ERBB3: variants seen among roughly 807,000 people sequenced by gnomAD.
The protein encoded by ERBB3 is receptor tyrosine-protein kinase erbB-3.
ERBB3 carries 96 observed loss-of-function variants against 156.7 expected under a neutral mutation model. That is an observed-to-expected ratio of 0.61 (90% CI 0.52 to 0.73). ERBB3 has a LOEUF of 0.73. Ranked by LOEUF, ERBB3 falls within the 30% of genes least tolerant of loss-of-function variation. The pLI, the probability that ERBB3 is intolerant of heterozygous loss-of-function variation, is 0.00. For missense variants in ERBB3, 1,406 were observed against 1,709.4 expected, an observed-to-expected ratio of 0.82 and a Z score of 3.13; for synonymous variants, 567 against 632.0, an observed-to-expected ratio of 0.90 and a Z score of 1.54.
chr12:56,099,615 T>G (rs1869019410), intron 23 of ERBB3, 33 bp from the exon 24 acceptor site: 1 of 1,585,542 alleles, frequency 6.3e-7, no homozygotes, highest in Non-Finnish European at 8.7e-7. Flanking sequence ...TGTATTCTCT[T>G]TTATGTCTCT....
At position 56,094,081 on chromosome 12, in the gene ERBB3, C is replaced by G. The variant is rs1172712359; in HGVS notation, c.1614-18C>G. 1 of 1,604,956 alleles carries G rather than the reference C, an allele frequency of 6.2e-7. No individual in the cohort carries two copies. The highest frequency in any genetic ancestry group is 1.3e-5 in the African/African-American group (1 of 74,746). ...GGACTTGGAAGTGACCCCCCCCTCC[C>G]TTTATTCCCCACTACAGGGAGCCTC... On this transcript the variant is annotated intron_variant, in intron 13 of 27. Coordinates refer to ENST00000267101, the MANE Select transcript of ERBB3 (RefSeq NM_001982.4).
At position 56,088,079 on chromosome 12, in the gene ERBB3, T is replaced by C. The variant is rs758573987; in HGVS notation, c.791T>C (p.Val264Ala). Residue 264 changes from valine (V) to alanine (A), a missense_variant, in exon 7 of 28, where the codon GTC becomes GCC. By Grantham distance (64) the Val-to-Ala change is moderately conservative (BLOSUM62 0). Around this residue, in one of 3 missense-constraint regions of ERBB3, gnomAD observed 979 missense variants for 1,219.6 expected, o/e 0.80. Transcript: ENST00000267101. The stretch of plus-strand genomic sequence containing the variant: ...GTACCTCGCTGTCCACAGCCTCTTG[T>C]CTACAACAAGCTAACTTTCCAGCTG... The part of the protein sequence containing the change: ...ACVPRCPQPL[V>A]YNKLTFQLEP... The C allele has an allele frequency of 6.8e-6, 11 of 1,614,186 alleles. No individual in the cohort carries two copies. The Admixed American group carries it at 1.2e-4, about 17-fold the overall frequency.
In ERBB3 at chr12:56,101,300, C is replaced by CCCA; in HGVS notation, c.3444_3446dup (p.Pro1149dup). The CCCA allele has an allele frequency of 6.2e-7, 1 of 1,614,188 alleles. No homozygotes were observed. Among genetic ancestry groups the CCCA allele is most frequent in the Non-Finnish European group, 8.5e-7 (1 of 1,180,020 alleles). Reference sequence around the variant, plus strand: ...TGCTGACTCCTGTTACCCCACTCTCCCCACCCGGGTTAGAGGAAGAGGATG... The same window carrying CCCA: ...TGCTGACTCCTGTTACCCCACTCTCCCCACCACCCGGGTTAGAGGAAGAGGATG... On this transcript the variant is annotated inframe_insertion, in exon 27 of 28. Transcript: ENST00000267101.
At chr12:56,098,705 T>A in intron 22 of ERBB3, 54 bp from the exon 23 acceptor site, 1 of 1,608,318 alleles carries the variant, frequency 6.2e-7, no homozygotes, top group Non-Finnish European at 8.5e-7. Flanking sequence ...TCCCTTCACT[T>A]CATGCCCATG....
intron 1 of ERBB3, among the ~76,000 whole-genome samples, chr12:56,082,492 C>G (rs1318437245): frequency 6.6e-6 from 1 of 152,086 alleles, no homozygotes; most frequent in African/African-American, 2.4e-5. Context: ...AGGAGCCCTC[C>G]AAGGTCAAGA....
intron 16 of ERBB3, 137 bp from the exon 17 acceptor site, chr12:56,095,528 C>T: frequency 8.8e-7 from 1 of 1,132,220 alleles, no homozygotes; most frequent in Non-Finnish European, 1.3e-6. Context: ...AGGTTGGTCC[C>T]TTCAGTGCTT....
chr12:56,098,582 G>A lies in ERBB3; in HGVS notation c.2692+7G>A. On this transcript the variant is annotated splice_region_variant and intron_variant, in intron 22 of 27. Transcript: ENST00000267101. ...AGTGATGTCTGGAGCTATGGTCAGT[G>A]CATCTGGATGCCCTCTCTACCATCA... The A allele has an allele frequency of 1.2e-6, 2 of 1,611,292 alleles. No homozygotes were observed. Among genetic ancestry groups the A allele is most frequent in the Non-Finnish European group, 1.7e-6 (2 of 1,177,412 alleles).
chr12:56,099,078 C>G (rs1565861108), intron 23 of ERBB3, 173 bp downstream of exon 23: 1 of 644,766 alleles, frequency 1.6e-6, no homozygotes, highest in Non-Finnish European at 2.7e-6. Context: ...CCTGCTTCAG[C>G]CTCCGGAGTA....
rs1308942910 is a variant in ERBB3, at chr12:56,089,743, C to CA, written c.1109+887dup. 9.4e-3 allele frequency among the ~76,000 whole-genome samples: 1,281 copies of CA among 136,356 alleles called. 10 individuals carry two copies. Among genetic ancestry groups the CA allele is most frequent in the African/African-American group, 0.028 (1,028 of 37,274 alleles). 89.5% of individuals were successfully genotyped at this position (136,356 alleles called of 152,430 possible). ...CTGGCGACAGAGCGAGACTCTTTCT[C>CA]AAAAAAAAAAAAGAAAAGAAAAGAA... On this transcript the variant is annotated intron_variant, in intron 9 of 27. Transcript: ENST00000267101.
intron 9 of ERBB3, among the ~76,000 whole-genome samples, chr12:56,090,343 C>G (rs1378470734): frequency 6.6e-6 from 1 of 151,996 alleles, no homozygotes; most frequent in Admixed American, 6.6e-5. Context: ...GTTAACATAC[C>G]ACATATGGCC....
chr12:56,090,591 C>T (rs1437936328), intron 9 of ERBB3, among the ~76,000 whole-genome samples: 2 of 152,012 alleles, frequency 1.3e-5, no homozygotes, highest in African/African-American at 4.8e-5. Context: ...TTGCAGTGAG[C>T]CGAGATCGCG....
intron 1 of ERBB3, among the ~76,000 whole-genome samples, chr12:56,083,162 A>AGGACGGGGTGTCTAG (rs1203246092): frequency 4.6e-5 from 7 of 152,184 alleles, no homozygotes; most frequent in African/African-American, 1.7e-4. Context: ...AGTGCTGCTG[A>AGGACGGGGTGTCTAG]GGACGGGGTG....
chr12:56,090,895 C>T (rs558888955), intron 9 of ERBB3, among the ~76,000 whole-genome samples: 2 of 152,190 alleles, frequency 1.3e-5, no homozygotes, highest in African/African-American at 4.8e-5. Flanking sequence ...ATCTAAGCTA[C>T]AGACCTTATT....
intron 7 of ERBB3, 114 bp downstream of exon 7, chr12:56,088,276 G>A (rs1279587050): frequency 3.3e-6 from 4 of 1,211,246 alleles, no homozygotes; most frequent in Non-Finnish European, 4.8e-6. Context: ...ATTGGTGAAT[G>A]GTTATGATCA....
rs544630584 is a variant in ERBB3, at chr12:56,093,537, G to C, written c.1467G>C (p.Pro489=). 5.0e-6 allele frequency: 8 copies of C among 1,612,022 alleles called. No homozygotes were observed. Among genetic ancestry groups the C allele is most frequent in the Admixed American group, 3.3e-5 (2 of 59,984 alleles). The change falls in exon 12 of 28, where the codon CCG becomes CCC. Residue 489 remains proline (P), a synonymous_variant. Coordinates refer to ENST00000267101, the MANE Select transcript of ERBB3 (RefSeq NM_001982.4). ...EERLDIKHNR[P]RRDCVAEGKV... ...GACTAGACATCAAGCATAATCGGCC[G>C]CGCAGAGACTGCGGTGAGGGAAAGG...
In ERBB3 at chr12:56,093,867, C is replaced by T. The variant is rs2136811214; in HGVS notation, c.1584C>T (p.Val528=). The T allele has an allele frequency of 6.2e-7, 1 of 1,613,620 alleles. No homozygotes were observed. The highest frequency in any genetic ancestry group is 8.5e-7 in the Non-Finnish European group (1 of 1,179,934). ...GTCGAAATTATAGCCGAGGAGGTGTCTGTGTGACCCACTGCAACTTTCTGA... is the reference window on the plus strand; with the variant it reads ...GTCGAAATTATAGCCGAGGAGGTGTTTGTGTGACCCACTGCAACTTTCTGA... The part of the protein sequence containing the change: ...LSCRNYSRGG[V]CVTHCNFLNG... The change falls in exon 13 of 28, where the codon GTC becomes GTT. Residue 528 remains valine (V), a synonymous_variant. Transcript: ENST00000267101.
intron 16 of ERBB3, 74 bp downstream of exon 16, chr12:56,095,384 G>A: frequency 2.4e-6 from 3 of 1,265,572 alleles, no homozygotes; most frequent in Non-Finnish European, 3.5e-6. Context: ...CTGGAGAGAA[G>A]AGGGAGGCTG....
At position 56,087,604 on chromosome 12, in the gene ERBB3, G is replaced by A; in HGVS notation, c.575G>A (p.Gly192Glu). The change falls in exon 5 of 28, where the codon GGG becomes GAG. Residue 192 changes from glycine (G) to glutamate (E), a missense_variant. By Grantham distance (98) the Gly-to-Glu change is moderately conservative. Transcript: ENST00000267101. ...CCCCCCTGTCATGAGGTTTGCAAGG[G>A]GCGATGCTGGGGTCCTGGATCAGAA... ...SCPPCHEVCKGRCWGPGSEDC... is the reference protein window; with the variant it reads ...SCPPCHEVCKERCWGPGSEDC... The A allele has an allele frequency of 6.2e-7, 1 of 1,614,188 alleles. No individual in the cohort carries two copies. Among genetic ancestry groups the A allele is most frequent in the Non-Finnish European group, 8.5e-7 (1 of 1,180,048 alleles).
At position 56,102,830 on chromosome 12, in the gene ERBB3, A is replaced by C. The variant is rs908271806; in HGVS notation, c.*775A>C. On this transcript the variant is annotated 3_prime_UTR_variant, in exon 28 of 28. Coordinates refer to ENST00000267101, the MANE Select transcript of ERBB3 (RefSeq NM_001982.4). ...TTAAAAAAAAAAAAAAAAAAAAAAAAAAAACTTTAGAACTGGGTGCAGTGG... is the reference window on the plus strand; with the variant it reads ...TTAAAAAAAAAAAAAAAAAAAAAAACAAAACTTTAGAACTGGGTGCAGTGG... 5.5e-4 allele frequency: 119 copies of C among 215,702 alleles called. No individual in the cohort carries two copies. Among genetic ancestry groups the C allele is most frequent in the African/African-American group, 2.5e-3 (111 of 44,050 alleles). The allele number at this position is 215,702 out of a possible 1,614,324, so 13.4% of individuals were successfully genotyped here. A position where few individuals can be genotyped will look rare whatever the true frequency, so the allele number is the denominator to read the frequency against.
Sources: allele counts gnomAD v4.1 joint callset (sites outside exome capture counted in the v4.1 genomes callset), GRCh38; gene constraint gnomAD v4.1.1; regional missense constraint gnomAD v4.1.1; transcripts MANE v1.5; gene names NCBI Gene and HGNC (gene_info 2026-07-23, HGNC 2026-07-21).